NELL1: variants seen among roughly 807,000 people sequenced by gnomAD.
NELL1 encodes the protein neural EGFL like 1.
Under a neutral mutation model 107.4 loss-of-function variants are expected in NELL1, and 76 were observed. The ratio of observed to expected loss-of-function variants is 0.71; its 90% CI spans 0.59 to 0.86. The LOEUF (loss-of-function observed/expected upper bound fraction) is 0.86, where lower values mean the gene tolerates loss of function less well. Ranked by LOEUF, NELL1 falls within the 40% of genes least tolerant of loss-of-function variation. The pLI is 0.00. For missense variants in NELL1, 1,024 were observed against 1,005.5 expected, an observed-to-expected ratio of 1.02 and a Z score of -0.25; for synonymous variants, 353 against 341.2, an observed-to-expected ratio of 1.03 and a Z score of -0.38.
At chr11:21,404,361 G>T (rs1388431044) in intron 15 of NELL1, among the ~76,000 whole-genome samples, 1 of 151,832 alleles carries the variant, frequency 6.6e-6, no homozygotes, top group Non-Finnish European at 1.5e-5. Flanking sequence ...GAATTTAGGG[G>T]CAGACTAATA....
At chr11:21,396,948 T>A (rs12293839) in intron 15 of NELL1, among the ~76,000 whole-genome samples, 1 of 151,646 alleles carries the variant, frequency 6.6e-6, no homozygotes, top group South Asian at 2.1e-4. Flanking sequence ...TAACATCAGA[T>A]GTAGAGGGAT....
At chr11:21,546,328 G>A (rs1023340282) in intron 16 of NELL1, among the ~76,000 whole-genome samples, 1 of 151,966 alleles carries the variant, frequency 6.6e-6, no homozygotes, top group African/African-American at 2.4e-5. Context: ...CTCAGTGTGA[G>A]CAATTGTTTC....
At chr11:21,514,104 A>G (rs1855501981) in intron 15 of NELL1, among the ~76,000 whole-genome samples, 1 of 152,276 alleles carries the variant, frequency 6.6e-6, no homozygotes, top group African/African-American at 2.4e-5. Flanking sequence ...AGTGTCATTT[A>G]GTTAGCACAG....
At chr11:20,762,102 G>A (rs1856433949) in intron 2 of NELL1, among the ~76,000 whole-genome samples, 1 of 152,164 alleles carries the variant, frequency 6.6e-6, no homozygotes. Flanking sequence ...AGAGTCAATT[G>A]TTTGATGTGT....
chr11:20,684,019 C>CTT lies in NELL1; in HGVS notation c.184+5972_184+5973dup, dbSNP rs34913687. Among the ~76,000 whole-genome samples, 31 of 131,266 alleles carry CTT rather than the reference C, an allele frequency of 2.4e-4. 1 individual carries two copies. Among genetic ancestry groups the CTT allele is most frequent in the Non-Finnish European group, 3.8e-4 (23 of 60,732 alleles). 86.1% of individuals were successfully genotyped at this position (131,266 alleles called of 152,430 possible). On this transcript the variant is annotated intron_variant, in intron 2 of 19. Coordinates refer to ENST00000357134, the MANE Select transcript of NELL1 (RefSeq NM_006157.5). The stretch of plus-strand genomic sequence containing the variant: ...TCTTCAAATATTTTTTCTGTTCGTT[C>CTT]TTTTTTTTTTTTTTCTGTAGTGACT...
At chr11:20,691,811 G>A (rs1854474317) in intron 2 of NELL1, among the ~76,000 whole-genome samples, 1 of 152,050 alleles carries the variant, frequency 6.6e-6, no homozygotes, top group Non-Finnish European at 1.5e-5. Flanking sequence ...AACGAGTTAG[G>A]GAGGATTCCC....
At chr11:21,117,146 T>C (rs1855256307) in intron 13 of NELL1, among the ~76,000 whole-genome samples, 2 of 151,956 alleles carry the variant, frequency 1.3e-5, no homozygotes, top group Non-Finnish European at 2.9e-5. Context: ...GATATTTGTG[T>C]ATTGAGCTCT....
At chr11:20,933,449 C>T (rs561595810) in intron 9 of NELL1, among the ~76,000 whole-genome samples, 21 of 152,234 alleles carry the variant, frequency 1.4e-4, no homozygotes, top group African/African-American at 4.6e-4. Context: ...TTCCGTTTGA[C>T]ATGTTTGAGT....
intron 15 of NELL1, among the ~76,000 whole-genome samples, chr11:21,487,834 A>T (rs1318045125): frequency 6.6e-6 from 1 of 152,176 alleles, no homozygotes; most frequent in East Asian, 1.9e-4. Context: ...AAGGATCAAA[A>T]AAGATATTCC....
chr11:20,776,513 T>G (rs1180294390), intron 2 of NELL1, among the ~76,000 whole-genome samples: 1 of 151,904 alleles, frequency 6.6e-6, no homozygotes, highest in Non-Finnish European at 1.5e-5. Context: ...TGATTACACA[T>G]GTAAATGATT....
intron 12 of NELL1, among the ~76,000 whole-genome samples, chr11:20,986,319 A>G (rs1851851705): frequency 6.6e-6 from 1 of 152,194 alleles, no homozygotes; most frequent in African/African-American, 2.4e-5. Context: ...GTTCTCTCCC[A>G]TGACAGATCT....
Position 21,548,026 on chromosome 11 carries a change from T to TA in NELL1, c.1787-12154dup, listed in dbSNP as rs896073172. ...AACTGAAACTGGATCATTTTCCTGCTAAAAAAAAATCCTCAAGATAATGAG... is the reference window on the plus strand; with the variant it reads ...AACTGAAACTGGATCATTTTCCTGCTAAAAAAAAAATCCTCAAGATAATGAG... On this transcript the variant is annotated intron_variant, in intron 16 of 19. Coordinates refer to ENST00000357134, the MANE Select transcript of NELL1 (RefSeq NM_006157.5). 2.8e-4 allele frequency among the ~76,000 whole-genome samples: 42 copies of TA among 150,964 alleles called. No homozygotes were observed. In the South Asian group the frequency reaches 5.2e-3, roughly 19 times the overall value.
At chr11:20,991,470 G>T (rs545985958) in intron 12 of NELL1, among the ~76,000 whole-genome samples, 3 of 152,334 alleles carry the variant, frequency 2.0e-5, no homozygotes, top group South Asian at 2.1e-4. Context: ...TTAAGGAGGA[G>T]TAAATGGAGG....
intron 13 of NELL1, among the ~76,000 whole-genome samples, chr11:21,208,159 A>G (rs189996686): frequency 1.1e-4 from 17 of 152,134 alleles, no homozygotes; most frequent in South Asian, 4.1e-4. Context: ...TTCATCTTAC[A>G]TATTTGTTAC....
intron 1 of NELL1, among the ~76,000 whole-genome samples, chr11:20,676,253 C>T (rs183510803): frequency 2.3e-3 from 342 of 146,606 alleles, no homozygotes; most frequent in African/African-American, 8.0e-3. Context: ...AAAGTAGGAC[C>T]CCCCCATCCA....
chr11:20,789,612 C>A (rs1857036391), intron 3 of NELL1, among the ~76,000 whole-genome samples: 1 of 152,188 alleles, frequency 6.6e-6, no homozygotes, highest in Non-Finnish European at 1.5e-5. Flanking sequence ...TCTTTTTTAG[C>A]CTCATTCAGT....
At chr11:21,523,429 C>T (rs1439807375) in intron 15 of NELL1, among the ~76,000 whole-genome samples, 2 of 151,960 alleles carry the variant, frequency 1.3e-5, no homozygotes, top group Admixed American at 1.3e-4. Context: ...CAATATTATC[C>T]AATGCCTATG....
intron 15 of NELL1, among the ~76,000 whole-genome samples, chr11:21,528,521 C>T (rs1855916361): frequency 7.4e-6 from 1 of 134,430 alleles, no homozygotes; most frequent in African/African-American, 2.8e-5. Context: ...ACCCCCCCCC[C>T]CTTTTTTTTT....
At chr11:21,286,531 G>T (rs10833492) in intron 14 of NELL1, among the ~76,000 whole-genome samples, 1 of 151,912 alleles carries the variant, frequency 6.6e-6, no homozygotes, top group Non-Finnish European at 1.5e-5. Flanking sequence ...CTATCCACTC[G>T]TACCACTCTT....
Sources: allele counts gnomAD v4.1 joint callset (sites outside exome capture counted in the v4.1 genomes callset), GRCh38; gene constraint gnomAD v4.1.1; transcripts MANE v1.5; gene names NCBI Gene and HGNC (gene_info 2026-07-23, HGNC 2026-07-21).